Variants in CENPF observed in about 807,000 individuals in gnomAD.
CENPF encodes AH antigen.
Under a neutral mutation model 307.3 loss-of-function variants are expected in CENPF, and 214 were observed. The ratio of observed to expected loss-of-function variants is 0.70; its 90% CI spans 0.62 to 0.78. The LOEUF is 0.78. Ranked by LOEUF, CENPF falls within the 30% of genes least tolerant of loss-of-function variation. The probability of loss-of-function intolerance (pLI) is 0.00; values close to 1 mark genes in which losing one functional copy is unlikely to be tolerated. For missense variants in CENPF, 3,401 were observed against 3,483.9 expected, an observed-to-expected ratio of 0.98 and a Z score of 0.60; for synonymous variants, 1,259 against 1,270.6, an observed-to-expected ratio of 0.99 and a Z score of 0.19.
chr1:214,633,761 A>G (rs1461452783), intron 10 of CENPF, among the ~76,000 whole-genome samples: 2 of 152,210 alleles, frequency 1.3e-5, no homozygotes, highest in Non-Finnish European at 2.9e-5. Context: ...TTCAAATCAG[A>G]TGATAGTTTC....
chr1:214,635,875 C>G (rs1242442660), intron 10 of CENPF, among the ~76,000 whole-genome samples: 1 of 152,088 alleles, frequency 6.6e-6, no homozygotes, highest in Non-Finnish European at 1.5e-5. Context: ...CCCTGGTGCC[C>G]TCTCTCTCTT....
intron 13 of CENPF, 89 bp downstream of exon 13, chr1:214,647,489 T>G (rs1658346699): frequency 7.1e-7 from 1 of 1,403,276 alleles, no homozygotes. Flanking sequence ...TGTATTTACT[T>G]CTAGACCGTG....
intron 9 of CENPF, among the ~76,000 whole-genome samples, chr1:214,631,470 A>G (rs781380330): frequency 2.8e-4 from 42 of 152,198 alleles, no homozygotes; most frequent in South Asian, 1.0e-3. Context: ...ATGCATCCCA[A>G]TATTTGTGTG....
chr1:214,613,511 A>G lies in CENPF; in HGVS notation c.-41-203A>G, dbSNP rs1657253083. The stretch of plus-strand genomic sequence containing the variant: ...TAAGAAAAACAGAAAGCAAAGGGAA[A>G]CTAAGCAGGACAGTATGTACTTCAG... On this transcript the variant is annotated intron_variant, in intron 1 of 19. Transcript: ENST00000366955. 1.5e-5 allele frequency: 5 copies of G among 326,366 alleles called. No homozygotes were observed. In the East Asian group the frequency reaches 2.0e-4, roughly 13 times the overall value. 20.2% of individuals were successfully genotyped at this position (326,366 alleles called of 1,614,324 possible). A position where few individuals can be genotyped will look rare whatever the true frequency, so the allele number is the denominator to read the frequency against.
In CENPF at chr1:214,644,979, A is replaced by T; in HGVS notation, c.5409A>T (p.Glu1803Asp). 6.2e-7 allele frequency: 1 copy of T among 1,613,034 alleles called. No homozygotes were observed. The highest frequency in any genetic ancestry group is 8.5e-7 in the Non-Finnish European group (1 of 1,179,656). ...RDRKVESLLNEMKELDSKLHL... is the reference protein window; with the variant it reads ...RDRKVESLLNDMKELDSKLHL... Reference sequence around the variant, plus strand: ...GAAAAGTTGAAAGTTTGCTAAATGAAATGAAAGAATTAGACTCAAAACTCC... The same window carrying T: ...GAAAAGTTGAAAGTTTGCTAAATGATATGAAAGAATTAGACTCAAAACTCC... The change falls in exon 13 of 20, where the codon GAA becomes GAT. Residue 1803 changes from glutamate to aspartate, a missense_variant. Physicochemically the swap from Glu to Asp is conservative, Grantham distance 45. Transcript: ENST00000366955.
At position 214,645,633 on chromosome 1, in the gene CENPF, T is replaced by C. The variant is rs1459953047; in HGVS notation, c.6063T>C (p.Ser2021=). The change falls in exon 13 of 20, where the codon TCT becomes TCC. Residue 2021 remains serine (S), a synonymous_variant. Coordinates refer to ENST00000366955, the MANE Select transcript of CENPF (RefSeq NM_016343.4). ...EKTELLQTLS[S]DVSELLKDKT... is the part of the protein sequence containing the mutation. Reference sequence around the variant, plus strand: ...CGGAACTCCTTCAGACTTTGTCCTCTGATGTGAGTGAGCTGTTAAAAGACA... The same window carrying C: ...CGGAACTCCTTCAGACTTTGTCCTCCGATGTGAGTGAGCTGTTAAAAGACA... 1.2e-6 allele frequency: 2 copies of C among 1,614,156 alleles called. No homozygotes were observed. The highest frequency in any genetic ancestry group is 1.3e-5 in the African/African-American group (1 of 75,036).
At chr1:214,658,457 T>A (rs1665074041) in intron 18 of CENPF, among the ~76,000 whole-genome samples, 4 of 151,998 alleles carry the variant, frequency 2.6e-5, no homozygotes, top group Admixed American at 6.6e-5. Context: ...TTTTTTTTTT[T>A]ATCTTTTATT....
rs1553289139 is a variant in CENPF at position 214,642,127 on chromosome 1, C to T, written c.3789C>T (p.Asp1263=). 17 of 1,613,718 alleles carry T rather than the reference C, an allele frequency of 1.1e-5. No homozygotes were observed. Among genetic ancestry groups the T allele is most frequent in the Non-Finnish European group, 1.2e-5 (14 of 1,179,924 alleles). ...CACAAGAAATTAGTGGCCTTAAAGACTGTGAAATAGATGCGGAAGAAAAGT... is the reference window on the plus strand; with the variant it reads ...CACAAGAAATTAGTGGCCTTAAAGATTGTGAAATAGATGCGGAAGAAAAGT... ...MQSQEISGLK[D]CEIDAEEKYI... is the part of the protein sequence containing the mutation. The change falls in exon 12 of 20, where the codon GAC becomes GAT. Residue 1263 remains aspartate, a synonymous_variant. Coordinates refer to ENST00000366955, the MANE Select transcript of CENPF (RefSeq NM_016343.4).
At position 214,613,718 on chromosome 1, in the gene CENPF, T is replaced by A; in HGVS notation, c.-37T>A. 2 of 1,550,840 alleles carry A rather than the reference T, an allele frequency of 1.3e-6. No homozygotes were observed. The highest frequency in any genetic ancestry group is 1.7e-6 in the Non-Finnish European group (2 of 1,151,432). On this transcript the variant is annotated 5_prime_UTR_variant, in exon 2 of 20. Transcript: ENST00000366955. ...CAGTCTGGTTATTCTTTTCAGTTTA[T>A]TTACAAATGTTGGAGTAATAAAGAA...
At chr1:214,616,268 T>G (rs900249172) in intron 3 of CENPF, among the ~76,000 whole-genome samples, 1 of 152,144 alleles carries the variant, frequency 6.6e-6, no homozygotes, top group African/African-American at 2.4e-5. Context: ...ATAACTTTGT[T>G]TAAAATGAAA....
Position 214,644,966 on chromosome 1 carries a change from G to A in CENPF, c.5396G>A (p.Ser1799Asn), listed in dbSNP as rs780997583. The change falls in exon 13 of 20, where the codon AGT (serine) becomes AAT (asparagine). Residue 1799 changes from serine (S) to asparagine (N), a missense_variant. Coordinates refer to ENST00000366955, the MANE Select transcript of CENPF (RefSeq NM_016343.4). ...GAGGACCGTGACAGAAAAGTTGAAA[G>A]TTTGCTAAATGAAATGAAAGAATTA... is the stretch of plus-strand genomic sequence containing the variant. ...VIEDRDRKVE[S>N]LLNEMKELDS... 1 of 1,612,786 alleles carries A rather than the reference G, an allele frequency of 6.2e-7. No homozygotes were observed. Among genetic ancestry groups the A allele is most frequent in the Non-Finnish European group, 8.5e-7 (1 of 1,179,608 alleles).
At chr1:214,635,396 C>T (rs1354678229) in intron 10 of CENPF, among the ~76,000 whole-genome samples, 1 of 152,206 alleles carries the variant, frequency 6.6e-6, no homozygotes, top group Non-Finnish European at 1.5e-5. Flanking sequence ...GCTTGCTAAG[C>T]TCTAATGCTG....
Position 214,642,754 on chromosome 1 carries a change from C to T in CENPF, c.4416C>T (p.Leu1472=), listed in dbSNP as rs866302236. 1.4e-5 allele frequency: 22 copies of T among 1,613,850 alleles called. No homozygotes were observed. Among genetic ancestry groups the T allele is most frequent in the East Asian group, 2.2e-5 (1 of 44,890 alleles). The change falls in exon 12 of 20, where the codon CTC becomes CTT. Residue 1472 remains leucine, a synonymous_variant. Coordinates refer to ENST00000366955, the MANE Select transcript of CENPF (RefSeq NM_016343.4). ...TGCAGCTGGGCTTGGAGGAGGGGCTCGTTCCATCCCTGTCATCCTCTTGTG... is the reference window on the plus strand; with the variant it reads ...TGCAGCTGGGCTTGGAGGAGGGGCTTGTTCCATCCCTGTCATCCTCTTGTG... ...KEMQLGLEEG[L]VPSLSSSCVP...
Position 214,622,006 on chromosome 1 carries a change from A to G in CENPF, c.866-73A>G, listed in dbSNP as rs899199822. On this transcript the variant is annotated intron_variant, in intron 6 of 19. Transcript: ENST00000366955. ...GTCAAAGATTTCAGAAAAGAATAAAACAAATGATAAGTTATGAACATTTTG... is the reference window on the plus strand; with the variant it reads ...GTCAAAGATTTCAGAAAAGAATAAAGCAAATGATAAGTTATGAACATTTTG... The G allele has an allele frequency of 8.7e-5, 104 of 1,201,788 alleles. 1 individual carries two copies. The highest frequency in any genetic ancestry group is 1.0e-4 in the Non-Finnish European group (87 of 853,490). 74.4% of individuals were successfully genotyped at this position (1,201,788 alleles called of 1,614,324 possible).
chr1:214,606,665 C>T (rs139223975), intron 1 of CENPF, among the ~76,000 whole-genome samples: 8,678 of 152,056 alleles, frequency 0.057, 726 homozygotes, highest in African/African-American at 0.2. Context: ...GTCGTGGCTG[C>T]GGAGGTGGCA....
intron 7 of CENPF, among the ~76,000 whole-genome samples, chr1:214,623,615 C>CT (rs1404145833): frequency 6.6e-6 from 1 of 152,068 alleles, no homozygotes; most frequent in Non-Finnish European, 1.5e-5. Flanking sequence ...CTTTTCTTCT[C>CT]TTTTTTCTAT....
Position 214,645,286 on chromosome 1 carries a change from A to G in CENPF, c.5716A>G (p.Arg1906Gly). 6.2e-7 allele frequency: 1 copy of G among 1,614,190 alleles called. No individual in the cohort carries two copies. The highest frequency in any genetic ancestry group is 8.5e-7 in the Non-Finnish European group (1 of 1,180,030). Residue 1906 changes from arginine (R) to glycine (G), a missense_variant, in exon 13 of 20, where the codon AGG becomes GGG. Coordinates refer to ENST00000366955, the MANE Select transcript of CENPF (RefSeq NM_016343.4). The stretch of plus-strand genomic sequence containing the variant: ...TCTTGATGTGGAAAATGAGCTGAGT[A>G]GGATCAGATCGGAGAAAGCTAGCAT... ...RFLDVENELS[R>G]IRSEKASIEH...
intron 10 of CENPF, among the ~76,000 whole-genome samples, chr1:214,633,091 T>C (rs564813871): frequency 1.2e-3 from 183 of 152,360 alleles, no homozygotes; most frequent in Non-Finnish European, 1.7e-3. Flanking sequence ...ATAAAGAGTT[T>C]CTAGATTAAA....
intron 3 of CENPF, among the ~76,000 whole-genome samples, chr1:214,615,717 T>C (rs1657318586): frequency 6.6e-6 from 1 of 152,068 alleles, no homozygotes; most frequent in Admixed American, 6.6e-5. Context: ...GGCAAGTGGA[T>C]TACCTGAGGT....
Sources: gnomAD v4.1 joint callset for allele counts (sites outside exome capture counted in the v4.1 genomes callset) on GRCh38, gnomAD v4.1.1 for gene constraint, MANE v1.5 for transcripts, NCBI Gene and HGNC (gene_info 2026-07-23, HGNC 2026-07-21) for gene names.